AUH: variants seen among roughly 807,000 people sequenced by gnomAD.
The protein encoded by AUH is AU RNA binding methylglutaconyl-CoA hydratase.
In AUH, 29 loss-of-function variants were observed where a neutral mutation model predicts 42.3. The observed-to-expected ratio is 0.69, with a 90% CI of 0.51 to 0.93. The LOEUF (loss-of-function observed/expected upper bound fraction) is 0.93. Among genes scored for constraint, AUH ranks in the 40% least tolerant of loss-of-function variants. The pLI, the probability that AUH is intolerant of heterozygous loss-of-function variation, is 0.00. For missense variants in AUH, 452 were observed against 438.1 expected (o/e 1.03, Z -0.28); for synonymous variants, 174 against 166.4 (o/e 1.05, Z -0.35).
At chr9:91,301,627 T>C (rs568298697) in intron 4 of AUH, among the ~76,000 whole-genome samples, 1 of 152,296 alleles carries the variant, frequency 6.6e-6, no homozygotes, top group East Asian at 1.9e-4. Flanking sequence ...CCAGGGCTTG[T>C]TTCCTTTTGT....
intron 6 of AUH, among the ~76,000 whole-genome samples, chr9:91,239,609 G>A (rs1342822032): frequency 1.3e-5 from 2 of 152,172 alleles, no homozygotes; most frequent in Admixed American, 1.3e-4. Flanking sequence ...AACATGGCAT[G>A]TTTACTAGTC....
At chr9:91,319,462 GTCTC>G (rs1233558962) in intron 4 of AUH, among the ~76,000 whole-genome samples, 4 of 152,320 alleles carry the variant, frequency 2.6e-5, no homozygotes, top group African/African-American at 9.6e-5. Flanking sequence ...GCTGTTAACT[GTCTC>G]TCTAAAATAA....
intron 1 of AUH, among the ~76,000 whole-genome samples, chr9:91,360,980 T>A (rs1173923243): frequency 6.6e-6 from 1 of 152,154 alleles, no homozygotes; most frequent in African/African-American, 2.4e-5. Flanking sequence ...TTCAAAGCCT[T>A]CAAAGCTCTG....
At chr9:91,353,885 T>TA (rs1399942842) in intron 3 of AUH, among the ~76,000 whole-genome samples, 1 of 136,826 alleles carries the variant, frequency 7.3e-6, no homozygotes, top group Non-Finnish European at 1.6e-5. Flanking sequence ...TAAATACATG[T>TA]AAAAAAGAGG....
intron 6 of AUH, among the ~76,000 whole-genome samples, chr9:91,276,642 G>C (rs1358180162): frequency 6.6e-6 from 1 of 152,094 alleles, no homozygotes; most frequent in Non-Finnish European, 1.5e-5. Flanking sequence ...AAAGAAAAAT[G>C]CAAGTAATGA....
intron 6 of AUH, among the ~76,000 whole-genome samples, chr9:91,272,183 C>A (rs1049851562): frequency 6.6e-6 from 1 of 152,096 alleles, no homozygotes; most frequent in Non-Finnish European, 1.5e-5. Flanking sequence ...ATTAGGATAA[C>A]GAACATATGG....
chr9:91,323,549 G>C lies in AUH; in HGVS notation c.505+1769C>G, dbSNP rs113149677. 2.0e-5 allele frequency among the ~76,000 whole-genome samples: 3 copies of C among 152,086 alleles called. 1 individual carries two copies. Among genetic ancestry groups the C allele is most frequent in the African/African-American group, 7.2e-5 (3 of 41,480 alleles). On this transcript the variant is annotated intron_variant, in intron 4 of 9. Transcript: ENST00000375731. The stretch of plus-strand genomic sequence containing the variant: ...GAGGCAGGAGAATTGCTTGAACCTG[G>C]GATGCGGAGGTTGCAGTGAGCTGAG...
At chr9:91,319,906 C>T (rs1829440888) in intron 4 of AUH, among the ~76,000 whole-genome samples, 1 of 152,194 alleles carries the variant, frequency 6.6e-6, no homozygotes. Flanking sequence ...CCTCTCCTTC[C>T]TGCTCTAGAG....
At chr9:91,235,465 G>T (rs1250081639) in intron 6 of AUH, among the ~76,000 whole-genome samples, 1 of 152,136 alleles carries the variant, frequency 6.6e-6, no homozygotes, top group East Asian at 1.9e-4. Context: ...GCTGTGCTCT[G>T]GCCAAGGTAA....
chr9:91,326,557 T>C (rs1829977895), intron 3 of AUH, among the ~76,000 whole-genome samples: 1 of 152,148 alleles, frequency 6.6e-6, no homozygotes, highest in African/African-American at 2.4e-5. Flanking sequence ...CAATGAATAA[T>C]ATTATTGAAA....
In AUH at chr9:91,230,204, T is replaced by C. The variant is rs1299494593; in HGVS notation, c.656-9212A>G. 2.0e-5 allele frequency among the ~76,000 whole-genome samples: 3 copies of C among 152,108 alleles called. No individual in the cohort carries two copies. In the South Asian group the frequency reaches 6.2e-4, roughly 32 times the overall value. ...CACTTTCAGGTACACCAATCAGACG[T>C]AGATTTGGTCTTTTCACATAGTCCC... On this transcript the variant is annotated intron_variant, in intron 6 of 9. Coordinates refer to ENST00000375731, the MANE Select transcript of AUH (RefSeq NM_001698.3).
At chr9:91,313,785 G>C (rs576000163) in intron 4 of AUH, among the ~76,000 whole-genome samples, 2 of 146,794 alleles carry the variant, frequency 1.4e-5, no homozygotes, top group South Asian at 4.3e-4. Context: ...CAGAAAGAAA[G>C]ATGGAGGCCT....
intron 6 of AUH, among the ~76,000 whole-genome samples, chr9:91,274,957 C>T (rs1825427756): frequency 6.6e-6 from 1 of 152,122 alleles, no homozygotes; most frequent in Non-Finnish European, 1.5e-5. Flanking sequence ...TGCTCCTAAC[C>T]ACACAGAAGA....
intron 6 of AUH, among the ~76,000 whole-genome samples, chr9:91,255,357 C>T (rs368155083): frequency 2.9e-4 from 44 of 152,186 alleles, no homozygotes; most frequent in Middle Eastern, 6.8e-3. Flanking sequence ...TATATCGTCC[C>T]GAAGGAGTGG....
chr9:91,259,318 G>A lies in AUH; in HGVS notation c.655+36703C>T, dbSNP rs556979441. 4.6e-5 allele frequency among the ~76,000 whole-genome samples: 7 copies of A among 152,080 alleles called. No individual in the cohort carries two copies. In the South Asian group the frequency reaches 6.2e-4, roughly 14 times the overall value. On this transcript the variant is annotated intron_variant, in intron 6 of 9. Transcript: ENST00000375731. ...ATTCTCTTTCTACTGTTTAAATGTC[G>A]TAGGATTTGTAGTGGTGAATGATCT...
intron 4 of AUH, among the ~76,000 whole-genome samples, chr9:91,317,958 T>C (rs1264404810): frequency 1.1e-4 from 17 of 152,254 alleles, no homozygotes; most frequent in Non-Finnish European, 2.9e-5. Context: ...ATTGCCTTCC[T>C]GGGAAAGCCC....
At chr9:91,248,956 G>C (rs1828952675) in intron 6 of AUH, among the ~76,000 whole-genome samples, 1 of 152,146 alleles carries the variant, frequency 6.6e-6, no homozygotes, top group Non-Finnish European at 1.5e-5. Flanking sequence ...TATGTTTGCA[G>C]TGGATACCTC....
At chr9:91,243,727 C>G (rs1382077380) in intron 6 of AUH, among the ~76,000 whole-genome samples, 1 of 152,176 alleles carries the variant, frequency 6.6e-6, no homozygotes, top group African/African-American at 2.4e-5. Flanking sequence ...TGGAGATCAG[C>G]CCGGGTGGAG....
chr9:91,273,302 G>A (rs985901386), intron 6 of AUH, among the ~76,000 whole-genome samples: 2 of 152,140 alleles, frequency 1.3e-5, no homozygotes, highest in African/African-American at 4.8e-5. Flanking sequence ...ACACAAAAAG[G>A]TTCACTATAG....
Sources: allele counts gnomAD v4.1 joint callset (sites outside exome capture counted in the v4.1 genomes callset), GRCh38; gene constraint gnomAD v4.1.1; transcripts MANE v1.5; gene names NCBI Gene and HGNC (gene_info 2026-07-23, HGNC 2026-07-21).